Variants in CLASP1 observed in about 807,000 individuals in gnomAD.
The protein encoded by CLASP1 is cytoplasmic linker associated protein 1.
A neutral mutation model predicts 192.3 loss-of-function variants in CLASP1; 38 were observed. The observed-to-expected ratio is 0.20, with a 90% CI of 0.15 to 0.26. The LOEUF (loss-of-function observed/expected upper bound fraction) is 0.26, where lower values mean the gene tolerates loss of function less well. Among genes scored for constraint, CLASP1 ranks in the 10% least tolerant of loss-of-function variants. CLASP1 has a pLI of 1.00. For synonymous variants in CLASP1, 691 were observed against 712.8 expected (o/e 0.97, Z 0.49); for missense variants, 1,433 against 1,932.5 (o/e 0.74, Z 4.85).
At chr2:121,522,248 A>G (rs1297476351) in intron 6 of CLASP1, among the ~76,000 whole-genome samples, 1 of 152,210 alleles carries the variant, frequency 6.6e-6, no homozygotes, top group Non-Finnish European at 1.5e-5. Flanking sequence ...AATCCTGTCT[A>G]CTACAGAATA....
At chr2:121,645,167 A>C (rs2072951867) in intron 1 of CLASP1, among the ~76,000 whole-genome samples, 1 of 152,200 alleles carries the variant, frequency 6.6e-6, no homozygotes, top group Non-Finnish European at 1.5e-5. Flanking sequence ...TTGGTACCTG[A>C]TGCTCAATTC....
chr2:121,628,762 G>T (rs1322568302), intron 1 of CLASP1, among the ~76,000 whole-genome samples: 1 of 150,626 alleles, frequency 6.6e-6, no homozygotes. Flanking sequence ...TAATACATAG[G>T]ACAATTTGGC....
At chr2:121,456,931 T>C (rs2086790987) in intron 14 of CLASP1, among the ~76,000 whole-genome samples, 1 of 152,216 alleles carries the variant, frequency 6.6e-6, no homozygotes, top group South Asian at 2.1e-4. Flanking sequence ...GTGGTATTCA[T>C]GAATTCCCTG....
chr2:121,591,206 A>C (rs2062364232), intron 2 of CLASP1, among the ~76,000 whole-genome samples: 1 of 152,204 alleles, frequency 6.6e-6, no homozygotes, highest in African/African-American at 2.4e-5. Flanking sequence ...TAAATCAAAA[A>C]GAAGTCAAAT....
chr2:121,418,803 G>A, intron 22 of CLASP1, 74 bp from the exon 23 acceptor site: 1 of 1,053,614 alleles, frequency 9.5e-7, no homozygotes, highest in Non-Finnish European at 1.5e-6. Flanking sequence ...CAAAATGTCA[G>A]TCACATTTGG....
intron 1 of CLASP1, among the ~76,000 whole-genome samples, chr2:121,634,505 A>G (rs925356445): frequency 6.6e-6 from 1 of 152,180 alleles, no homozygotes; most frequent in Non-Finnish European, 1.5e-5. Flanking sequence ...AGATGTTTCT[A>G]ATCTCCCAGT....
chr2:121,353,617 C>T (rs1247509752), intron 37 of CLASP1, among the ~76,000 whole-genome samples: 1 of 152,222 alleles, frequency 6.6e-6, no homozygotes, highest in African/African-American at 2.4e-5. Context: ...TTTATCACTG[C>T]AGGTAAATAT....
chr2:121,600,209 T>C lies in CLASP1; in HGVS notation c.195+5492A>G, dbSNP rs572758557. The stretch of plus-strand genomic sequence containing the variant: ...GGAACCAGTATTTGTTGAGCACCCA[T>C]GATGTTCCATACTCTGGGCTCCAGA... On this transcript the variant is annotated intron_variant, in intron 2 of 39. Coordinates refer to ENST00000263710, the Ensembl canonical transcript of CLASP1. Among the ~76,000 whole-genome samples the C allele has an allele frequency of 2.0e-3, 312 of 152,284 alleles. 1 individual carries two copies. Among genetic ancestry groups the C allele is most frequent in the African/African-American group, 6.0e-3 (249 of 41,560 alleles).
chr2:121,533,425 A>G (rs2094950496), intron 2 of CLASP1, among the ~76,000 whole-genome samples: 1 of 152,226 alleles, frequency 6.6e-6, no homozygotes. Context: ...TCTGTAAAAC[A>G]TGGACAATAA....
chr2:121,433,964 T>C lies in CLASP1; in HGVS notation c.1913-3787A>G, dbSNP rs974619465. ...TTATTTTTTTTTGCATCTCCACTGA[T>C]AAACTGACAATGCAATTATCCAGTC... On this transcript the variant is annotated intron_variant, in intron 19 of 39. Transcript: ENST00000263710. 2.6e-5 allele frequency among the ~76,000 whole-genome samples: 4 copies of C among 152,218 alleles called. No individual in the cohort carries two copies. The South Asian group carries it at 8.3e-4, about 31-fold the overall frequency.
rs59632661 is a variant in CLASP1 at position 121,536,378 on chromosome 2, GAAAAAAAAAAAA to G, written c.196-6065_196-6054del. Among the ~76,000 whole-genome samples the G allele has an allele frequency of 1.2e-4, 6 of 48,298 alleles. No homozygotes were observed. In the South Asian group the frequency reaches 3.8e-3, roughly 31 times the overall value. The allele number at this position is 48,298 out of a possible 152,430, so 31.7% of individuals were successfully genotyped here. On this transcript the variant is annotated intron_variant, in intron 2 of 39. Coordinates refer to ENST00000263710, the Ensembl canonical transcript of CLASP1. ...CCTGGGCGACAGAGCAAGACTGTCT[GAAAAAAAAAAAA>G]AAAAAAAAAAAAGATTAAAAATAAT... is the stretch of plus-strand genomic sequence containing the variant.
At chr2:121,492,093 C>T (rs1177278398) in intron 8 of CLASP1, among the ~76,000 whole-genome samples, 1 of 152,092 alleles carries the variant, frequency 6.6e-6, no homozygotes, top group African/African-American at 2.4e-5. Flanking sequence ...CCTTTATACA[C>T]CAAAAGACAC....
chr2:121,633,007 C>CATATATAAATATATATATATATATATAT (rs2070053146), intron 1 of CLASP1, among the ~76,000 whole-genome samples: 1 of 115,580 alleles, frequency 8.7e-6, no homozygotes, highest in African/African-American at 3.8e-5. Context: ...TATGTGTGTG[C>CATATATAAATATATATATATATATATAT]ATATATATAT....
intron 2 of CLASP1, among the ~76,000 whole-genome samples, chr2:121,599,651 C>T (rs1195194146): frequency 6.8e-6 from 1 of 147,776 alleles, no homozygotes; most frequent in Non-Finnish European, 1.5e-5. Context: ...CATGGTGGCT[C>T]ACGCCTGTAA....
chr2:121,571,448 A>C (rs1258245189), intron 2 of CLASP1, among the ~76,000 whole-genome samples: 1 of 152,220 alleles, frequency 6.6e-6, no homozygotes. Context: ...TATGCTGGGT[A>C]CTGCTGTGCA....
chr2:121,363,369 G>T, intron 36 of CLASP1, 69 bp from the exon 38 acceptor site: 4 of 1,583,528 alleles, frequency 2.5e-6, no homozygotes, highest in Non-Finnish European at 3.4e-6. Flanking sequence ...GCAGTCAGCA[G>T]GGTCGGCAAG....
intron 37 of CLASP1, among the ~76,000 whole-genome samples, chr2:121,354,307 A>C (rs1322376287): frequency 2.6e-5 from 4 of 152,154 alleles, no homozygotes; most frequent in African/African-American, 4.8e-5. Flanking sequence ...TGGAAAAGAG[A>C]CTTCAGCTCA....
chr2:121,451,348 A>T (rs1256171465), intron 15 of CLASP1, among the ~76,000 whole-genome samples: 1 of 152,264 alleles, frequency 6.6e-6, no homozygotes, highest in Non-Finnish European at 1.5e-5. Context: ...TCACATCAGA[A>T]CTAGTTTCTA....
intron 22 of CLASP1, among the ~76,000 whole-genome samples, chr2:121,421,742 C>A (rs1285512156): frequency 6.6e-6 from 1 of 152,120 alleles, no homozygotes; most frequent in Non-Finnish European, 1.5e-5. Context: ...GGGGTTTTGC[C>A]ATGGTGGTCA....
Sources: allele counts gnomAD v4.1 joint callset (sites outside exome capture counted in the v4.1 genomes callset), GRCh38; gene constraint gnomAD v4.1.1; transcripts MANE v1.5; gene names NCBI Gene and HGNC (gene_info 2026-07-23, HGNC 2026-07-21).